Variants in CPA6 observed in about 807,000 individuals in gnomAD.
CPA6 encodes the protein carboxypeptidase A6.
A neutral mutation model predicts 63.3 loss-of-function variants in CPA6; 58 were observed. The ratio of observed to expected loss-of-function variants is 0.92; its 90% confidence interval spans 0.74 to 1.14. CPA6 has a LOEUF of 1.14. Ranked by LOEUF, CPA6 falls within the 50% of genes most tolerant of loss-of-function variation. The pLI, the probability that CPA6 is intolerant of heterozygous loss-of-function variation, is 0.00. For synonymous variants in CPA6, 185 were observed against 179.0 expected (o/e 1.03, Z -0.27); for missense variants, 565 against 526.6 (o/e 1.07, Z -0.71).
At chr8:67,451,303 G>A (rs957331086) in intron 8 of CPA6, among the ~76,000 whole-genome samples, 1 of 152,154 alleles carries the variant, frequency 6.6e-6, no homozygotes, top group Non-Finnish European at 1.5e-5. Context: ...CCTCCTGTCA[G>A]ATCAGTGGCA....
chr8:67,673,389 T>TTA (rs1816395115), intron 1 of CPA6, among the ~76,000 whole-genome samples: 1 of 132,888 alleles, frequency 7.5e-6, no homozygotes, highest in African/African-American at 3.1e-5. Context: ...TATTTATTTA[T>TTA]TTTTTTTTTT....
intron 2 of CPA6, among the ~76,000 whole-genome samples, chr8:67,534,540 C>T (rs1250843282): frequency 6.6e-6 from 1 of 152,078 alleles, no homozygotes; most frequent in Non-Finnish European, 1.5e-5. Flanking sequence ...CCTGTACTTT[C>T]CTGTATGTCC....
intron 6 of CPA6, among the ~76,000 whole-genome samples, chr8:67,496,504 TCAC>T (rs1212648463): frequency 5.1e-5 from 7 of 136,358 alleles, no homozygotes; most frequent in African/African-American, 2.0e-4. Context: ...TGTGCAACCA[TCAC>T]CACTATATAG....
Position 67,652,059 on chromosome 8 carries a change from C to A in CPA6, c.117-27808G>T, listed in dbSNP as rs1340869931. Reference sequence around the variant, plus strand: ...GTTTCCAGTTTCATCCATGTCCCTGCAAAGGACATGAACTCATCATTTTTT... The same window carrying A: ...GTTTCCAGTTTCATCCATGTCCCTGAAAAGGACATGAACTCATCATTTTTT... On this transcript the variant is annotated intron_variant, in intron 1 of 10. Coordinates refer to ENST00000297770, the MANE Select transcript of CPA6 (RefSeq NM_020361.5). 3.9e-5 allele frequency among the ~76,000 whole-genome samples: 6 copies of A among 152,124 alleles called. No homozygotes were observed. In the East Asian group the frequency reaches 5.8e-4, roughly 15 times the overall value.
At chr8:67,427,989 G>T in intron 10 of CPA6, 58 bp downstream of exon 10, 1 of 1,145,168 alleles carries the variant, frequency 8.7e-7, no homozygotes, top group Non-Finnish European at 1.3e-6. Flanking sequence ...AGGAAGTCAT[G>T]ATACAGGATA....
intron 1 of CPA6, among the ~76,000 whole-genome samples, chr8:67,690,343 TAG>T (rs1365368785): frequency 2.6e-5 from 4 of 152,190 alleles, no homozygotes; most frequent in African/African-American, 9.6e-5. Flanking sequence ...ATAAATAATT[TAG>T]AGTTAATGAA....
chr8:67,535,053 A>T (rs1812556761), intron 2 of CPA6, among the ~76,000 whole-genome samples: 1 of 152,026 alleles, frequency 6.6e-6, no homozygotes, highest in Non-Finnish European at 1.5e-5. Context: ...ATTCTTTTTC[A>T]TGGCTGCATA....
chr8:67,745,358 C>A (rs564895351), intron 1 of CPA6, among the ~76,000 whole-genome samples: 3 of 152,206 alleles, frequency 2.0e-5, no homozygotes, highest in Non-Finnish European at 4.4e-5. Context: ...TAGTAACACA[C>A]GGCTTCCAGC....
At chr8:67,695,650 C>G (rs766037323) in intron 1 of CPA6, among the ~76,000 whole-genome samples, 13 of 152,194 alleles carry the variant, frequency 8.5e-5, no homozygotes, top group Non-Finnish European at 1.6e-4. Flanking sequence ...TTACCATGTT[C>G]CCCACTATCT....
chr8:67,643,387 A>G (rs1222618048), intron 1 of CPA6, among the ~76,000 whole-genome samples: 1 of 152,252 alleles, frequency 6.6e-6, no homozygotes, highest in African/African-American at 2.4e-5. Context: ...TAGCAGTGAA[A>G]ATAGATGAAC....
intron 8 of CPA6, among the ~76,000 whole-genome samples, chr8:67,482,286 G>C (rs751338564): frequency 1.3e-5 from 2 of 152,168 alleles, no homozygotes; most frequent in African/African-American, 2.4e-5. Context: ...ATGTGGATGC[G>C]AGTCTCCACT....
chr8:67,704,041 C>T (rs1817081607), intron 1 of CPA6, among the ~76,000 whole-genome samples: 2 of 152,176 alleles, frequency 1.3e-5, no homozygotes, highest in African/African-American at 2.4e-5. Flanking sequence ...CCTTATCCTC[C>T]TCCAGAGGTT....
At position 67,529,064 on chromosome 8, in the gene CPA6, C is replaced by T. The variant is rs148956841; in HGVS notation, c.193-11017G>A. ...TTATTTGACCCTACAAGAGCATGCTCATGATTTGGAGAGTTGTAAGTACAG... is the reference window on the plus strand; with the variant it reads ...TTATTTGACCCTACAAGAGCATGCTTATGATTTGGAGAGTTGTAAGTACAG... On this transcript the variant is annotated intron_variant, in intron 2 of 10. Transcript: ENST00000297770. Among the ~76,000 whole-genome samples, 410 of 151,926 alleles carry T rather than the reference C, an allele frequency of 2.7e-3. 1 individual carries two copies. The highest frequency in any genetic ancestry group is 3.7e-3 in the Non-Finnish European group (250 of 67,942).
chr8:67,441,247 A>G (rs1392599155), intron 8 of CPA6, among the ~76,000 whole-genome samples: 1 of 152,222 alleles, frequency 6.6e-6, no homozygotes, highest in East Asian at 1.9e-4. Context: ...GTAGAAAATA[A>G]GATATTATTC....
intron 1 of CPA6, among the ~76,000 whole-genome samples, chr8:67,704,301 A>T (rs985523639): frequency 2.6e-5 from 4 of 152,116 alleles, no homozygotes; most frequent in African/African-American, 7.2e-5. Context: ...ACGCGTCAAG[A>T]CCTTCAAGGT....
intron 2 of CPA6, among the ~76,000 whole-genome samples, chr8:67,547,597 C>G (rs895579967): frequency 5.9e-5 from 9 of 151,616 alleles, no homozygotes; most frequent in Middle Eastern, 3.4e-3. Context: ...CAGGGTCAAG[C>G]AAACCTCCCA....
chr8:67,734,050 T>G (rs1439664736), intron 1 of CPA6, among the ~76,000 whole-genome samples: 5 of 151,718 alleles, frequency 3.3e-5, no homozygotes, highest in Non-Finnish European at 5.9e-5. Flanking sequence ...ACTTAATTTT[T>G]TTTTTTTGTA....
chr8:67,581,615 A>G (rs778243020), intron 2 of CPA6, among the ~76,000 whole-genome samples: 4 of 152,202 alleles, frequency 2.6e-5, no homozygotes, highest in Non-Finnish European at 4.4e-5. Flanking sequence ...ATTAGGCCAG[A>G]GAGTGGCATA....
In CPA6 at chr8:67,535,342, A is replaced by G. The variant is rs926177480; in HGVS notation, c.193-17295T>C. ...CCACCAATAGTGTAAAAGCGTTCCCATTTCTCCACATCCTCTCCAGCATCT... is the reference window on the plus strand; with the variant it reads ...CCACCAATAGTGTAAAAGCGTTCCCGTTTCTCCACATCCTCTCCAGCATCT... On this transcript the variant is annotated intron_variant, in intron 2 of 10. Coordinates refer to ENST00000297770, the MANE Select transcript of CPA6 (RefSeq NM_020361.5). Among the ~76,000 whole-genome samples the G allele has an allele frequency of 2.6e-5, 4 of 152,128 alleles. No homozygotes were observed. In the East Asian group the frequency reaches 7.7e-4, roughly 29 times the overall value.
Sources: allele counts gnomAD v4.1 joint callset (sites outside exome capture counted in the v4.1 genomes callset), GRCh38; gene constraint gnomAD v4.1.1; transcripts MANE v1.5; gene names NCBI Gene and HGNC (gene_info 2026-07-23, HGNC 2026-07-21).